Variants in ALPK2 observed in about 807,000 individuals in gnomAD.
ALPK2 encodes the protein alpha kinase 2.
ALPK2 carries 127 observed loss-of-function variants against 163.1 expected under a neutral mutation model. That is an observed-to-expected ratio of 0.78 (90% CI 0.67 to 0.90). The LOEUF (loss-of-function observed/expected upper bound fraction) is 0.90, where lower values mean the gene tolerates loss of function less well. Among genes scored for constraint, ALPK2 ranks in the 40% least tolerant of loss-of-function variants. The pLI, the probability that ALPK2 is intolerant of heterozygous loss-of-function variation, is 0.00. For missense variants in ALPK2, 2,360 were observed against 2,589.6 expected (o/e 0.91, Z 1.92); for synonymous variants, 953 against 959.1 (o/e 0.99, Z 0.12).
intron 10 of ALPK2, among the ~76,000 whole-genome samples, chr18:58,512,639 C>T (rs900939668): frequency 2.7e-5 from 4 of 148,314 alleles, no homozygotes; most frequent in African/African-American, 1.0e-4. Flanking sequence ...GATGTGTATA[C>T]GTATGTGTGG....
chr18:58,605,027 G>A (rs1417609645), intron 3 of ALPK2, among the ~76,000 whole-genome samples: 1 of 152,212 alleles, frequency 6.6e-6, no homozygotes, highest in Non-Finnish European at 1.5e-5. Context: ...TGGCTAAAAT[G>A]TGGGCATAAT....
intron 4 of ALPK2, among the ~76,000 whole-genome samples, chr18:58,543,792 T>C (rs1490471386): frequency 2.0e-5 from 3 of 152,042 alleles, no homozygotes; most frequent in Non-Finnish European, 2.9e-5. Context: ...GGATGAGAAG[T>C]CTCCCCAGGG....
chr18:58,538,347 C>G (rs1020074431), intron 4 of ALPK2, 123 bp from the exon 5 acceptor site: 7 of 933,544 alleles, frequency 7.5e-6, no homozygotes, highest in African/African-American at 4.9e-5. Flanking sequence ...TGATTGAAAT[C>G]TAAACATTAA....
intron 4 of ALPK2, among the ~76,000 whole-genome samples, chr18:58,573,040 T>A (rs527637973): frequency 6.6e-6 from 1 of 152,134 alleles, no homozygotes; most frequent in Non-Finnish European, 1.5e-5. Flanking sequence ...TCAGTAAACA[T>A]TTCAATTAAA....
At chr18:58,496,961 C>T (rs1602186142) in intron 12 of ALPK2, among the ~76,000 whole-genome samples, 1 of 152,248 alleles carries the variant, frequency 6.6e-6, no homozygotes, top group Non-Finnish European at 1.5e-5. Context: ...TAGGGCCAGC[C>T]CTATGTCCCA....
At chr18:58,626,016 C>T (rs2052228050) in intron 1 of ALPK2, among the ~76,000 whole-genome samples, 1 of 152,232 alleles carries the variant, frequency 6.6e-6, no homozygotes, top group Non-Finnish European at 1.5e-5. Context: ...GACGTGATTA[C>T]GTTCTCCCAA....
Position 58,538,193 on chromosome 18 carries a change from A to G in ALPK2, c.1994T>C (p.Ile665Thr). The stretch of plus-strand genomic sequence containing the variant: ...GAAAGCTGGCATCTGGCTGCAAGAG[A>G]TTGTCTCTCTGACTGTTTCCTGAAC... ...VQVQETVRET[I>T]SCSQMPAFSE... is the part of the protein sequence containing the mutation. Residue 665 changes from isoleucine to threonine, a missense_variant, in exon 5 of 13, where the codon ATC becomes ACC. Coordinates refer to ENST00000361673, the MANE Select transcript of ALPK2 (RefSeq NM_052947.4). 6.2e-7 allele frequency: 1 copy of G among 1,612,286 alleles called. No homozygotes were observed. Among genetic ancestry groups the G allele is most frequent in the Non-Finnish European group, 8.5e-7 (1 of 1,179,990 alleles).
intron 4 of ALPK2, among the ~76,000 whole-genome samples, chr18:58,573,366 A>G (rs1243501244): frequency 9.7e-5 from 14 of 144,132 alleles, no homozygotes; most frequent in Non-Finnish European, 1.6e-4. Context: ...ATGTGTGTGT[A>G]TATATATATG....
intron 11 of ALPK2, among the ~76,000 whole-genome samples, chr18:58,498,434 A>G (rs1482818745): frequency 2.0e-5 from 3 of 152,176 alleles, no homozygotes; most frequent in South Asian, 2.1e-4. Context: ...CCCGTAAGCA[A>G]TCTCCCCAGA....
chr18:58,603,862 T>C (rs534368789), intron 3 of ALPK2, among the ~76,000 whole-genome samples: 110 of 152,336 alleles, frequency 7.2e-4, no homozygotes, highest in African/African-American at 2.6e-3. Flanking sequence ...AATGTGATTA[T>C]TGATGTTTCT....
intron 4 of ALPK2, among the ~76,000 whole-genome samples, chr18:58,543,098 T>C (rs1455542342): frequency 6.6e-6 from 1 of 152,018 alleles, no homozygotes; most frequent in Non-Finnish European, 1.5e-5. Context: ...ACCTGGAGGC[T>C]TCATAAGAAG....
chr18:58,507,301 C>G (rs990559984), intron 10 of ALPK2, among the ~76,000 whole-genome samples: 1 of 152,022 alleles, frequency 6.6e-6, no homozygotes, highest in Non-Finnish European at 1.5e-5. Flanking sequence ...ACGTGACCAG[C>G]TGCCCTGGGG....
At chr18:58,625,967 G>A (rs777541033) in intron 1 of ALPK2, among the ~76,000 whole-genome samples, 8 of 152,250 alleles carry the variant, frequency 5.3e-5, no homozygotes, top group Non-Finnish European at 7.3e-5. Flanking sequence ...TTTGATGTAG[G>A]TCAGGTGTTT....
At chr18:58,541,612 C>A (rs2051690081) in intron 4 of ALPK2, among the ~76,000 whole-genome samples, 1 of 152,316 alleles carries the variant, frequency 6.6e-6, no homozygotes, top group African/African-American at 2.4e-5. Context: ...ATTTAGTGAC[C>A]ATCTACTTTA....
chr18:58,500,887 A>G (rs1317562258), intron 11 of ALPK2, among the ~76,000 whole-genome samples: 2 of 152,218 alleles, frequency 1.3e-5, no homozygotes, highest in Non-Finnish European at 2.9e-5. Context: ...CTCAGGTCCA[A>G]ATCACAGGCT....
In ALPK2 at chr18:58,535,104, C is replaced by G; in HGVS notation, c.5083G>C (p.Ala1695Pro). The G allele has an allele frequency of 6.2e-7, 1 of 1,614,130 alleles. No individual in the cohort carries two copies. Among genetic ancestry groups the G allele is most frequent in the Non-Finnish European group, 8.5e-7 (1 of 1,180,016 alleles). ...REREKSLEARAGKSPGTLTAV... is the reference protein window; with the variant it reads ...REREKSLEARPGKSPGTLTAV... Reference sequence around the variant, plus strand: ...GTGAGGGTCCCTGGCGATTTGCCTGCTCGGGCTTCCAGGGACTTCTCTCTC... The same window carrying G: ...GTGAGGGTCCCTGGCGATTTGCCTGGTCGGGCTTCCAGGGACTTCTCTCTC... Residue 1695 changes from alanine (A) to proline (P), a missense_variant, in exon 5 of 13, where the codon GCA (alanine) becomes CCA (proline). Physicochemically the swap from Ala to Pro is conservative, Grantham distance 27. Transcript: ENST00000361673.
intron 2 of ALPK2, among the ~76,000 whole-genome samples, chr18:58,608,952 T>A (rs2052112972): frequency 7.3e-6 from 1 of 137,226 alleles, no homozygotes; most frequent in Non-Finnish European, 1.6e-5. Flanking sequence ...AGTGGGACCT[T>A]GTCTCAAAAA....
rs73445157 is a variant in ALPK2, at chr18:58,529,039, G to T, written c.5501+52C>A. The T allele has an allele frequency of 1.9e-6, 3 of 1,608,448 alleles. No homozygotes were observed. In the African/African-American group the frequency reaches 4.0e-5, roughly 21 times the overall value. On this transcript the variant is annotated intron_variant, in intron 6 of 12. Coordinates refer to ENST00000361673, the MANE Select transcript of ALPK2 (RefSeq NM_052947.4). ...CTTTTTTCTTTTTTACAACCATGTT[G>T]TGAAATAAACAAGCAACAACTGTGA...
At chr18:58,484,737 C>A (rs941255512) in intron 12 of ALPK2, among the ~76,000 whole-genome samples, 2 of 121,274 alleles carry the variant, frequency 1.6e-5, no homozygotes, top group Non-Finnish European at 3.6e-5. Flanking sequence ...AGCGAGACTT[C>A]GTCTCAAAAA....
Sources: gnomAD v4.1 joint callset for allele counts (sites outside exome capture counted in the v4.1 genomes callset) on GRCh38, gnomAD v4.1.1 for gene constraint, MANE v1.5 for transcripts, NCBI Gene and HGNC (gene_info 2026-07-23, HGNC 2026-07-21) for gene names.